The following TSNAX variants were observed in gnomAD, a reference collection of about 807,000 sequenced individuals.
TSNAX encodes the protein translin associated factor X.
TSNAX carries 12 observed loss-of-function variants against 33.0 expected under a neutral mutation model. The ratio of observed to expected loss-of-function variants is 0.36; its 90% CI spans 0.23 to 0.59. The LOEUF (loss-of-function observed/expected upper bound fraction) is 0.59, where lower values mean the gene tolerates loss of function less well. Among genes scored for constraint, TSNAX ranks in the 20% least tolerant of loss-of-function variants. TSNAX has a pLI of 0.74. For missense variants in TSNAX, 267 were observed against 341.3 expected, an observed-to-expected ratio of 0.78 and a Z score of 1.72; for synonymous variants, 110 against 117.2, an observed-to-expected ratio of 0.94 and a Z score of 0.40.
chr1:231,528,740 C>T lies in TSNAX; in HGVS notation c.-71C>T. Reference sequence around the variant, plus strand: ...AGGCTGTTTTCCCAGGTTCCCTCGGCCTGTACCTCGCGCACTCCTCTTGCT... The same window carrying T: ...AGGCTGTTTTCCCAGGTTCCCTCGGTCTGTACCTCGCGCACTCCTCTTGCT... On this transcript the variant is annotated 5_prime_UTR_variant, in exon 1 of 6. Coordinates refer to ENST00000366639, the MANE Select transcript of TSNAX (RefSeq NM_005999.3). 9 of 1,596,410 alleles carry T rather than the reference C, an allele frequency of 5.6e-6. No individual in the cohort carries two copies. Among genetic ancestry groups the T allele is most frequent in the Non-Finnish European group, 7.7e-6 (9 of 1,164,940 alleles).
intron 4 of TSNAX, among the ~76,000 whole-genome samples, chr1:231,558,521 A>G (rs1218925035): frequency 6.6e-6 from 1 of 152,202 alleles, no homozygotes; most frequent in African/African-American, 2.4e-5. Flanking sequence ...TTAACTTTAA[A>G]AAATTTTTTT....
chr1:231,560,489 A>G (rs1661028971), intron 4 of TSNAX, among the ~76,000 whole-genome samples: 1 of 116,730 alleles, frequency 8.6e-6, no homozygotes, highest in Non-Finnish European at 1.6e-5. Context: ...GTCTTGGCTC[A>G]CTGCAACCTT....
intron 4 of TSNAX, 110 bp from the exon 5 acceptor site, chr1:231,561,018 C>G: frequency 1.9e-6 from 2 of 1,052,982 alleles, no homozygotes; most frequent in Non-Finnish European, 2.8e-6. Context: ...TAGTAGGCAT[C>G]CATTAAGCTT....
intron 4 of TSNAX, among the ~76,000 whole-genome samples, chr1:231,543,307 A>G (rs541190157): frequency 6.6e-6 from 1 of 151,308 alleles, no homozygotes; most frequent in Non-Finnish European, 1.5e-5. Flanking sequence ...CATTGATAGG[A>G]CAGATACTAG....
At position 231,561,172 on chromosome 1, in the gene TSNAX, A is replaced by G; in HGVS notation, c.412A>G (p.Lys138Glu). 2 of 1,610,814 alleles carry G rather than the reference A, an allele frequency of 1.2e-6. No individual in the cohort carries two copies. Among genetic ancestry groups the G allele is most frequent in the Non-Finnish European group, 1.7e-6 (2 of 1,178,278 alleles). The change falls in exon 5 of 6, where the codon AAA becomes GAA. Residue 138 changes from lysine (K) to glutamate (E), a missense_variant. Transcript: ENST00000366639. Reference protein sequence around the residue: ...VEAVSFQHFIKTRSLISMDEI... With the variant: ...VEAVSFQHFIETRSLISMDEI... ...AGCTGTCTCTTTTCAACACTTCATC[A>G]AAACACGATCATTAATTAGTATGGA...
At chr1:231,548,121 C>T (rs1660066476) in intron 4 of TSNAX, among the ~76,000 whole-genome samples, 1 of 152,172 alleles carries the variant, frequency 6.6e-6, no homozygotes, top group African/African-American at 2.4e-5. Context: ...GCATGAGCCA[C>T]CGCGCCTGGC....
rs1661343365 is a variant in TSNAX at position 231,565,145 on chromosome 1, GT to G, written c.*242del. ...TATATGCCTTTTTGAATTTTTGCTG[GT>G]TAACCTTTATCATTTATCTTTGTAA... On this transcript the variant is annotated 3_prime_UTR_variant, in exon 6 of 6. Coordinates refer to ENST00000366639, the MANE Select transcript of TSNAX (RefSeq NM_005999.3). 2.3e-6 allele frequency: 1 copy of G among 436,390 alleles called. No individual in the cohort carries two copies. Among genetic ancestry groups the G allele is most frequent in the South Asian group, 3.5e-5 (1 of 28,184 alleles). 27.0% of individuals were successfully genotyped at this position (436,390 alleles called of 1,614,324 possible). A position where few individuals can be genotyped will look rare whatever the true frequency, so the allele number is the denominator to read the frequency against.
chr1:231,529,898 C>T (rs1489214095), intron 2 of TSNAX, among the ~76,000 whole-genome samples: 2 of 152,228 alleles, frequency 1.3e-5, no homozygotes, highest in African/African-American at 4.8e-5. Context: ...CCTTTTGTCC[C>T]TGTCTATCCA....
At chr1:231,538,200 G>T (rs1438337257) in intron 3 of TSNAX, among the ~76,000 whole-genome samples, 1 of 151,976 alleles carries the variant, frequency 6.6e-6, no homozygotes, top group Non-Finnish European at 1.5e-5. Flanking sequence ...CGCAGGCTTT[G>T]TATATTTGAT....
At chr1:231,531,829 C>G (rs1439399263) in intron 2 of TSNAX, among the ~76,000 whole-genome samples, 7 of 152,064 alleles carry the variant, frequency 4.6e-5, no homozygotes, top group Non-Finnish European at 1.0e-4. Flanking sequence ...AAGGGTATTT[C>G]AAGGTACAGA....
chr1:231,528,808 G>C lies in TSNAX; in HGVS notation c.-3G>C. The stretch of plus-strand genomic sequence containing the variant: ...CGCTCGTCTCACCGTAGGCTGTGAC[G>C]ACATGAGCAACAAAGAAGGTGGCGT... On this transcript the variant is annotated 5_prime_UTR_variant, in exon 1 of 6. Transcript: ENST00000366639. The C allele has an allele frequency of 1.2e-6, 2 of 1,614,156 alleles. No individual in the cohort carries two copies. Among genetic ancestry groups the C allele is most frequent in the Non-Finnish European group, 1.7e-6 (2 of 1,180,038 alleles).
At chr1:231,564,148 C>G (rs1189456100) in intron 5 of TSNAX, among the ~76,000 whole-genome samples, 1 of 152,164 alleles carries the variant, frequency 6.6e-6, no homozygotes, top group Non-Finnish European at 1.5e-5. Context: ...TAATGGATCA[C>G]AAACTTGGAG....
intron 4 of TSNAX, among the ~76,000 whole-genome samples, chr1:231,553,599 A>G (rs1381710967): frequency 6.6e-6 from 1 of 151,970 alleles, no homozygotes; most frequent in Non-Finnish European, 1.5e-5. Flanking sequence ...CCTACATGTG[A>G]CCAAAAATGC....
At chr1:231,539,945 G>A (rs189308367) in intron 3 of TSNAX, among the ~76,000 whole-genome samples, 47 of 152,282 alleles carry the variant, frequency 3.1e-4, no homozygotes, top group Non-Finnish European at 4.7e-4. Flanking sequence ...AGCACTTTGG[G>A]AGGCCAAGGC....
chr1:231,528,693 C>G lies in TSNAX; in HGVS notation c.-118C>G, dbSNP rs1325209542. On this transcript the variant is annotated 5_prime_UTR_variant, in exon 1 of 6. Transcript: ENST00000366639. ...TCCGGCCACTGCGTTGTAGTCGGCCCGGCTGCAAAGCGTTTTTCTGCAGGC... is the reference window on the plus strand; with the variant it reads ...TCCGGCCACTGCGTTGTAGTCGGCCGGGCTGCAAAGCGTTTTTCTGCAGGC... 9.1e-6 allele frequency: 11 copies of G among 1,204,270 alleles called. No homozygotes were observed. Among genetic ancestry groups the G allele is most frequent in the Non-Finnish European group, 1.1e-5 (9 of 825,362 alleles). 74.6% of individuals were successfully genotyped at this position (1,204,270 alleles called of 1,614,324 possible). A position where few individuals can be genotyped will look rare whatever the true frequency, so the allele number is the denominator to read the frequency against.
At chr1:231,554,622 T>G (rs971970570) in intron 4 of TSNAX, 2 of 152,114 alleles carry the variant, frequency 1.3e-5, no homozygotes, top group Non-Finnish European at 2.9e-5. Context: ...TTGTTGTAGG[T>G]AGAGAAAGAT....
At chr1:231,564,182 A>G (rs1165982572) in intron 5 of TSNAX, among the ~76,000 whole-genome samples, 1 of 152,192 alleles carries the variant, frequency 6.6e-6, no homozygotes, top group Non-Finnish European at 1.5e-5. Flanking sequence ...TTCATTTAAG[A>G]AAGTAATTGT....
intron 4 of TSNAX, 93 bp from the exon 5 acceptor site, chr1:231,561,035 G>T: frequency 2.3e-6 from 3 of 1,280,508 alleles, no homozygotes; most frequent in Non-Finnish European, 2.2e-6. Flanking sequence ...GCTTTTTTTT[G>T]AACTAGATGA....
chr1:231,546,321 A>G (rs1022316890), intron 4 of TSNAX, among the ~76,000 whole-genome samples: 3 of 152,204 alleles, frequency 2.0e-5, no homozygotes, highest in Admixed American at 6.5e-5. Flanking sequence ...TCACAAGTTT[A>G]TATTTTACTG....
Sources: gnomAD v4.1 joint callset for allele counts (sites outside exome capture counted in the v4.1 genomes callset) on GRCh38, gnomAD v4.1.1 for gene constraint, MANE v1.5 for transcripts, NCBI Gene and HGNC (gene_info 2026-07-23, HGNC 2026-07-21) for gene names.